The following GLIS3 variants were observed in gnomAD, a reference collection of about 807,000 sequenced individuals.
GLIS3 encodes the protein zinc finger protein GLIS3.
GLIS3 carries 53 observed loss-of-function variants against 78.6 expected under a neutral mutation model. The ratio of observed to expected loss-of-function variants is 0.67; its 90% confidence interval spans 0.54 to 0.85. GLIS3 has a LOEUF of 0.85. Among genes scored for constraint, GLIS3 ranks in the 40% least tolerant of loss-of-function variants. The probability of loss-of-function intolerance (pLI) is 0.00; values close to 1 mark genes in which losing one functional copy is unlikely to be tolerated. For missense variants in GLIS3, 1,703 were observed against 1,231.1 expected, an observed-to-expected ratio of 1.38 and a Z score of -5.74; for synonymous variants, 684 against 509.9, an observed-to-expected ratio of 1.34 and a Z score of -4.60.
chr9:3,847,481 A>G (rs1819132101), intron 9 of GLIS3, among the ~76,000 whole-genome samples: 1 of 152,276 alleles, frequency 6.6e-6, no homozygotes, highest in Non-Finnish European at 1.5e-5. Context: ...ACAATTTAGC[A>G]ATAGTTGATT....
intron 2 of GLIS3, among the ~76,000 whole-genome samples, chr9:4,231,055 G>A (rs1048969275): frequency 6.6e-6 from 1 of 152,106 alleles, no homozygotes; most frequent in Admixed American, 6.6e-5. Context: ...CTAGGCAAGA[G>A]AATGAGACTG....
intron 2 of GLIS3, among the ~76,000 whole-genome samples, chr9:4,253,332 T>C (rs758982277): frequency 8.5e-5 from 13 of 152,368 alleles, no homozygotes; most frequent in Admixed American, 3.3e-4. Context: ...ACAGAGGCAG[T>C]CTAGCTACAG....
At chr9:4,410,266 C>G in the GLIS3 span, among the ~76,000 whole-genome samples, 1 of 152,002 alleles carries the variant, frequency 6.6e-6, no homozygotes, top group African/African-American at 2.4e-5. Flanking sequence ...CATGAGCCAC[C>G]ACACCCGGCC....
At chr9:4,385,769 G>C in the GLIS3 span, among the ~76,000 whole-genome samples, 3 of 58,448 alleles carry the variant, frequency 5.1e-5, 1 homozygote, top group African/African-American at 2.8e-4. Flanking sequence ...AAGAAAGAAA[G>C]AAAGAAAGAA....
chr9:4,362,453 T>C, the GLIS3 span, among the ~76,000 whole-genome samples: 1 of 152,200 alleles, frequency 6.6e-6, no homozygotes, highest in Non-Finnish European at 1.5e-5. Context: ...GCTCCCTTTG[T>C]AGTTGATGAC....
intron 4 of GLIS3, among the ~76,000 whole-genome samples, chr9:4,093,151 T>C (rs1183408558): frequency 6.6e-6 from 1 of 151,778 alleles, no homozygotes; most frequent in Non-Finnish European, 1.5e-5. Flanking sequence ...AGGTACTAAG[T>C]GGAAAAGTAA....
At chr9:4,166,632 G>A (rs16920844) in intron 2 of GLIS3, among the ~76,000 whole-genome samples, 18,992 of 152,216 alleles carry the variant, frequency 0.12, 1,638 homozygotes, top group African/African-American at 0.25. Flanking sequence ...GTATTCCCAA[G>A]TGGCCACTAA....
Position 4,036,518 on chromosome 9 carries a change from T to C in GLIS3, c.1710+81250A>G, listed in dbSNP as rs185047344. The stretch of plus-strand genomic sequence containing the variant: ...CTCAGCCCAAATTGGTAACGGTTTC[T>C]ATCAGTAGCCAAAATGGGAGGATAT... On this transcript the variant is annotated intron_variant, in intron 4 of 10. Transcript: ENST00000381971. Among the ~76,000 whole-genome samples the C allele has an allele frequency of 7.7e-4, 118 of 152,292 alleles. No individual in the cohort carries two copies. The East Asian group carries it at 0.02, about 25-fold the overall frequency.
intron 4 of GLIS3, among the ~76,000 whole-genome samples, chr9:4,091,289 C>G (rs1230864883): frequency 6.6e-6 from 1 of 151,846 alleles, no homozygotes; most frequent in Non-Finnish European, 1.5e-5. Context: ...ATCTCTTGAG[C>G]CTGGGAGTTC....
At position 4,097,699 on chromosome 9, in the gene GLIS3, A is replaced by G. The variant is rs539592902; in HGVS notation, c.1710+20069T>C. Among the ~76,000 whole-genome samples the G allele has an allele frequency of 2.2e-4, 34 of 152,344 alleles. 1 individual carries two copies. Among genetic ancestry groups the G allele is most frequent in the African/African-American group, 5.8e-4 (24 of 41,582 alleles). On this transcript the variant is annotated intron_variant, in intron 4 of 10. Coordinates refer to ENST00000381971, the MANE Select transcript of GLIS3 (RefSeq NM_001042413.2). Reference sequence around the variant, plus strand: ...GCAGTGCTATTGTTGTTGAATGTGAAGCACACTGAATTGCTCAATATGAAA... The same window carrying G: ...GCAGTGCTATTGTTGTTGAATGTGAGGCACACTGAATTGCTCAATATGAAA...
chr9:4,450,737 C>T, the GLIS3 span, among the ~76,000 whole-genome samples: 6 of 152,140 alleles, frequency 3.9e-5, no homozygotes, highest in South Asian at 2.1e-4. Context: ...AATTTCATAT[C>T]CAGCCAAACT....
chr9:4,383,162 TC>T, the GLIS3 span, among the ~76,000 whole-genome samples: 1 of 152,198 alleles, frequency 6.6e-6, no homozygotes, highest in East Asian at 1.9e-4. Flanking sequence ...GAAGTAGGCC[TC>T]CCACTGGCCC....
intron 4 of GLIS3, among the ~76,000 whole-genome samples, chr9:4,044,548 C>G (rs1563980968): frequency 1.3e-5 from 2 of 152,156 alleles, no homozygotes; most frequent in Non-Finnish European, 2.9e-5. Flanking sequence ...ATGGGTCCAT[C>G]TTATCCTATG....
chr9:4,395,407 TAC>T, the GLIS3 span, among the ~76,000 whole-genome samples: 2 of 152,194 alleles, frequency 1.3e-5, no homozygotes, highest in African/African-American at 2.4e-5. Flanking sequence ...GTTTGATCCT[TAC>T]AGAGATTTTA....
chr9:4,119,106 AATAATGTAAC>A (rs1427438704), intron 3 of GLIS3, among the ~76,000 whole-genome samples: 1 of 152,222 alleles, frequency 6.6e-6, no homozygotes, highest in Admixed American at 6.5e-5. Context: ...TGCTCACTGA[AATAATGTAAC>A]AAAAGATCTA....
intron 9 of GLIS3, among the ~76,000 whole-genome samples, chr9:3,832,328 A>G (rs1818097179): frequency 6.6e-6 from 1 of 152,142 alleles, no homozygotes; most frequent in Admixed American, 6.5e-5. Context: ...TAAAATTTCC[A>G]AAAAGAACAA....
intron 4 of GLIS3, among the ~76,000 whole-genome samples, chr9:4,068,033 A>C (rs989397798): frequency 6.6e-6 from 1 of 152,138 alleles, no homozygotes; most frequent in African/African-American, 2.4e-5. Flanking sequence ...TTTCCTGAAA[A>C]AATCCTCAAA....
chr9:4,192,077 T>C (rs934703332), intron 2 of GLIS3, among the ~76,000 whole-genome samples: 11 of 152,156 alleles, frequency 7.2e-5, no homozygotes, highest in African/African-American at 1.9e-4. Flanking sequence ...GTGATAAACA[T>C]TGAGCATGGC....
intron 7 of GLIS3, 81 bp downstream of exon 7, chr9:3,898,609 TC>T (rs765113162): frequency 1.9e-6 from 3 of 1,564,446 alleles, no homozygotes. Flanking sequence ...GGAAAATTTT[TC>T]TCACGTGAGC....
Sources: gnomAD v4.1 joint callset for allele counts (sites outside exome capture counted in the v4.1 genomes callset) on GRCh38, gnomAD v4.1.1 for gene constraint, MANE v1.5 for transcripts, NCBI Gene and HGNC (gene_info 2026-07-23, HGNC 2026-07-21) for gene names.